The following RAPGEF5 variants were observed in gnomAD, a reference collection of about 807,000 sequenced individuals.
The protein encoded by RAPGEF5 is Rap guanine nucleotide exchange factor 5, also known as M-Ras-regulated GEF.
RAPGEF5 carries 65 observed loss-of-function variants against 125.2 expected under a neutral mutation model. That is an observed-to-expected ratio of 0.52 (90% CI 0.43 to 0.64). The LOEUF (loss-of-function observed/expected upper bound fraction) is 0.64, where lower values mean the gene tolerates loss of function less well. Among genes scored for constraint, RAPGEF5 ranks in the 30% least tolerant of loss-of-function variants. RAPGEF5 has a pLI of 0.00. For synonymous variants in RAPGEF5, 391 were observed against 385.9 expected (o/e 1.01, Z -0.16); for missense variants, 958 against 1,048.1 (o/e 0.91, Z 1.19).
chr7:22,255,834 T>A (rs1786746080), intron 7 of RAPGEF5, among the ~76,000 whole-genome samples: 7 of 152,194 alleles, frequency 4.6e-5, no homozygotes. Flanking sequence ...AAGAATGCCT[T>A]TTCACAAGTT....
chr7:22,216,532 T>C (rs955751512), intron 9 of RAPGEF5, among the ~76,000 whole-genome samples: 1 of 152,194 alleles, frequency 6.6e-6, no homozygotes, highest in Non-Finnish European at 1.5e-5. Flanking sequence ...CCCCATCTGA[T>C]AACACACGTC....
intron 1 of RAPGEF5, among the ~76,000 whole-genome samples, chr7:22,335,707 ACAAAACAACAAC>A (rs1562534840): frequency 1.5e-5 from 1 of 68,222 alleles, no homozygotes. Flanking sequence ...AAAAAAAACA[ACAAAACAACAAC>A]AACAACAACA....
At position 22,286,896 on chromosome 7, in the gene RAPGEF5, G is replaced by A. The variant is rs554633843; in HGVS notation, c.747+4279C>T. ...CTTCAAGGGTGGAAACTGATGAGCT[G>A]TGTCATTCAAAGGCCCTTCTTGGCC... On this transcript the variant is annotated intron_variant, in intron 6 of 25. Coordinates refer to ENST00000665637, the MANE Select transcript of RAPGEF5 (RefSeq NM_012294.5). Among the ~76,000 whole-genome samples, 13 of 152,326 alleles carry A rather than the reference G, an allele frequency of 8.5e-5. No homozygotes were observed. The South Asian group carries it at 2.7e-3, about 32-fold the overall frequency.
chr7:22,191,778 G>T, intron 11 of RAPGEF5: 1 of 409,702 alleles, frequency 2.4e-6, no homozygotes. Flanking sequence ...GAACCTGTGA[G>T]CACCTGAGCC....
chr7:22,347,247 A>G (rs1357974434), intron 1 of RAPGEF5, among the ~76,000 whole-genome samples: 2 of 152,160 alleles, frequency 1.3e-5, no homozygotes, highest in African/African-American at 4.8e-5. Flanking sequence ...TTAGATCATT[A>G]CCTAAGCAAT....
At chr7:22,225,220 T>C (rs1407835114) in intron 8 of RAPGEF5, among the ~76,000 whole-genome samples, 1 of 152,168 alleles carries the variant, frequency 6.6e-6, no homozygotes. Flanking sequence ...GGAGGAAACA[T>C]TTTCATTACA....
intron 7 of RAPGEF5, among the ~76,000 whole-genome samples, chr7:22,248,657 G>A (rs12700364): frequency 0.081 from 12,348 of 152,162 alleles, 599 homozygotes; most frequent in Middle Eastern, 0.11. Flanking sequence ...CAGCAGCGCA[G>A]GGAAGCTTGC....
chr7:22,214,829 T>C (rs1785597203), intron 9 of RAPGEF5, among the ~76,000 whole-genome samples: 1 of 152,142 alleles, frequency 6.6e-6, no homozygotes, highest in Admixed American at 6.5e-5. Context: ...ACTCCAGTGA[T>C]GAAGGCTGAA....
At chr7:22,281,496 T>C (rs1219649783) in intron 6 of RAPGEF5, among the ~76,000 whole-genome samples, 4 of 152,196 alleles carry the variant, frequency 2.6e-5, no homozygotes, top group Admixed American at 6.5e-5. Flanking sequence ...ACAAGTGTGA[T>C]CCACACTGCA....
chr7:22,189,719 CA>C (rs1275269892), intron 11 of RAPGEF5, among the ~76,000 whole-genome samples: 1 of 151,998 alleles, frequency 6.6e-6, no homozygotes, highest in African/African-American at 2.4e-5. Context: ...TCCAGGTTCA[CA>C]AATATCTAGT....
chr7:22,265,406 G>C (rs1782258876), intron 7 of RAPGEF5, among the ~76,000 whole-genome samples: 1 of 152,044 alleles, frequency 6.6e-6, no homozygotes, highest in African/African-American at 2.4e-5. Context: ...TGTCCTCCAG[G>C]CTTATCCATG....
intron 5 of RAPGEF5, among the ~76,000 whole-genome samples, chr7:22,295,579 A>T (rs531516811): frequency 6.3e-4 from 96 of 152,314 alleles, no homozygotes; most frequent in Non-Finnish European, 1.1e-3. Context: ...TAAACAATGG[A>T]AATTTTGAAG....
At chr7:22,274,276 T>G (rs1308089258) in intron 6 of RAPGEF5, among the ~76,000 whole-genome samples, 1 of 152,182 alleles carries the variant, frequency 6.6e-6, no homozygotes, top group Non-Finnish European at 1.5e-5. Flanking sequence ...CCATCTACCT[T>G]CTGGACCTGA....
intron 1 of RAPGEF5, among the ~76,000 whole-genome samples, chr7:22,353,287 T>C (rs1269068895): frequency 1.3e-5 from 2 of 152,172 alleles, no homozygotes; most frequent in Non-Finnish European, 2.9e-5. Flanking sequence ...CTAAATACAA[T>C]ATGTGGACCT....
Position 22,352,624 on chromosome 7 carries a change from T to C in RAPGEF5, c.231+4206A>G, listed in dbSNP as rs116340042. Among the ~76,000 whole-genome samples the C allele has an allele frequency of 2.6e-3, 399 of 152,144 alleles. 1 individual carries two copies. The highest frequency in any genetic ancestry group is 9.0e-3 in the African/African-American group (372 of 41,500). On this transcript the variant is annotated intron_variant, in intron 1 of 25. Coordinates refer to ENST00000665637, the MANE Select transcript of RAPGEF5 (RefSeq NM_012294.5). ...TATTGACTGAAGTGACAGAAACAAA[T>C]ACATTAAGATTCATAAGTTCTTAAT...
At position 22,219,459 on chromosome 7, in the gene RAPGEF5, A is replaced by G. The variant is rs543292433; in HGVS notation, c.996+407T>C. Among the ~76,000 whole-genome samples, 13 of 150,080 alleles carry G rather than the reference A, an allele frequency of 8.7e-5. No individual in the cohort carries two copies. In the Admixed American group the frequency reaches 8.8e-4, roughly 10 times the overall value. The stretch of plus-strand genomic sequence containing the variant: ...ATTTCTAGTGACTTAGGACACATTC[A>G]TTTGGCAACTAGATCCACCTCTGTA... On this transcript the variant is annotated intron_variant, in intron 9 of 25. Transcript: ENST00000665637.
At chr7:22,348,319 A>G (rs1224142138) in intron 1 of RAPGEF5, among the ~76,000 whole-genome samples, 1 of 152,254 alleles carries the variant, frequency 6.6e-6, no homozygotes, top group Non-Finnish European at 1.5e-5. Context: ...TCATTAAAAG[A>G]TACTGTGTAT....
At chr7:22,276,477 T>C (rs1035718807) in intron 6 of RAPGEF5, among the ~76,000 whole-genome samples, 2 of 152,226 alleles carry the variant, frequency 1.3e-5, no homozygotes, top group Non-Finnish European at 2.9e-5. Context: ...TCCCAGACAT[T>C]CTAGGGATCT....
At chr7:22,276,110 A>T (rs562644781) in intron 6 of RAPGEF5, among the ~76,000 whole-genome samples, 2 of 152,364 alleles carry the variant, frequency 1.3e-5, no homozygotes, top group Non-Finnish European at 2.9e-5. Flanking sequence ...TATTTTAAGG[A>T]AATAAGTCTA....
Sources: allele counts gnomAD v4.1 joint callset (sites outside exome capture counted in the v4.1 genomes callset), GRCh38; gene constraint gnomAD v4.1.1; transcripts MANE v1.5; gene names NCBI Gene and HGNC (gene_info 2026-07-23, HGNC 2026-07-21).